PEAK1: variants seen among roughly 807,000 people sequenced by gnomAD.
The protein encoded by PEAK1 is pseudopodium enriched atypical kinase 1, also known as inactive tyrosine-protein kinase PEAK1.
In PEAK1, 54 loss-of-function variants were observed where a neutral mutation model predicts 124.7. The ratio of observed to expected loss-of-function variants is 0.43; its 90% CI spans 0.35 to 0.54. PEAK1 has a LOEUF of 0.54. Among genes scored for constraint, PEAK1 ranks in the 20% least tolerant of loss-of-function variants. The pLI is 0.01. For synonymous variants in PEAK1, 719 were observed against 760.0 expected, an observed-to-expected ratio of 0.95 and a Z score of 0.89; for missense variants, 2,046 against 2,134.5, an observed-to-expected ratio of 0.96 and a Z score of 0.82.
At chr15:77,331,093 T>C (rs936604705) in intron 2 of PEAK1, 69 of 672,608 alleles carry the variant, frequency 1.0e-4, no homozygotes, top group Non-Finnish European at 1.2e-4. Flanking sequence ...ATGTAGTACA[T>C]TGAATCAATT....
At chr15:77,220,268 T>C (rs34896181) in intron 6 of PEAK1, among the ~76,000 whole-genome samples, 11,253 of 152,076 alleles carry the variant, frequency 0.074, 544 homozygotes, top group Non-Finnish European at 0.1. Context: ...AAATGTACTA[T>C]GCATTGAGGT....
rs536825091 is a variant in PEAK1, at chr15:77,289,557, C to T, written c.-602-3053G>A. Reference sequence around the variant, plus strand: ...CAATCCTTAAACTTAAATACACGACCGGGTGCAGTGCCTCACGCCTGTAAT... The same window carrying T: ...CAATCCTTAAACTTAAATACACGACTGGGTGCAGTGCCTCACGCCTGTAAT... On this transcript the variant is annotated intron_variant, in intron 2 of 9. Transcript: ENST00000682557. 1.4e-4 allele frequency among the ~76,000 whole-genome samples: 22 copies of T among 152,218 alleles called. 1 individual carries two copies. Among genetic ancestry groups the T allele is most frequent in the Admixed American group, 1.0e-3 (16 of 15,280 alleles).
At chr15:77,355,230 C>A (rs186300884) in intron 2 of PEAK1, among the ~76,000 whole-genome samples, 1 of 152,026 alleles carries the variant, frequency 6.6e-6, no homozygotes, top group East Asian at 1.9e-4. Flanking sequence ...TGGAGAGATA[C>A]GATTGACAGA....
intron 7 of PEAK1, among the ~76,000 whole-genome samples, chr15:77,164,712 C>G (rs1451412406): frequency 1.3e-5 from 2 of 152,138 alleles, no homozygotes; most frequent in Non-Finnish European, 2.9e-5. Flanking sequence ...AATATGGTTG[C>G]CATTCTCAAT....
At chr15:77,154,940 T>C (rs1470321046) in intron 8 of PEAK1, among the ~76,000 whole-genome samples, 1 of 152,154 alleles carries the variant, frequency 6.6e-6, no homozygotes, top group Non-Finnish European at 1.5e-5. Flanking sequence ...ATTTCAACTT[T>C]GGTGAATCTG....
intron 6 of PEAK1, among the ~76,000 whole-genome samples, chr15:77,205,966 TCCCTCCC>T (rs1188440095): frequency 8.6e-6 from 1 of 116,166 alleles, no homozygotes; most frequent in East Asian, 2.9e-4. Context: ...CCCAATGCTA[TCCCTCCC>T]CCCTCCCCCC....
chr15:77,208,234 T>C (rs2058753234), intron 6 of PEAK1, among the ~76,000 whole-genome samples: 1 of 152,238 alleles, frequency 6.6e-6, no homozygotes. Flanking sequence ...TTTAATAAAA[T>C]GGCGGATTGA....
At chr15:77,407,373 C>T (rs766627664) in intron 1 of PEAK1, among the ~76,000 whole-genome samples, 10 of 151,816 alleles carry the variant, frequency 6.6e-5, no homozygotes, top group South Asian at 4.2e-4. Flanking sequence ...ACTATGCATC[C>T]GACAAAAGAC....
chr15:77,174,436 T>C (rs1039211282), intron 7 of PEAK1, among the ~76,000 whole-genome samples: 3 of 152,218 alleles, frequency 2.0e-5, no homozygotes, highest in Admixed American at 2.0e-4. Flanking sequence ...ACACAAATGT[T>C]GACATTTGAT....
rs769726404 is a variant in PEAK1, at chr15:77,158,521, C to T, written c.3313G>A (p.Ala1105Thr). ...CACTTACCTAAGTTGCTGTATGTTG[C>T]ACTACAAGGGTTCGGGTCCATAGGA... ...SDPMDPNPCSATYSNLGQSRA... is the reference protein window; with the variant it reads ...SDPMDPNPCSTTYSNLGQSRA... Residue 1105 changes from alanine to threonine, a missense_variant, in exon 8 of 10, where the codon GCA becomes ACA. Coordinates refer to ENST00000682557, the MANE Select transcript of PEAK1 (RefSeq NM_001385026.1). 4 of 1,613,940 alleles carry T rather than the reference C, an allele frequency of 2.5e-6. No individual in the cohort carries two copies. Among genetic ancestry groups the T allele is most frequent in the Admixed American group, 3.3e-5 (2 of 60,002 alleles).
At position 77,167,141 on chromosome 15, in the gene PEAK1, G is replaced by A. The variant is rs149696702; in HGVS notation, c.3138-8445C>T. 4.1e-4 allele frequency among the ~76,000 whole-genome samples: 62 copies of A among 152,320 alleles called. 1 individual carries two copies. In the East Asian group the frequency reaches 0.012, roughly 28 times the overall value. On this transcript the variant is annotated intron_variant, in intron 7 of 9. Coordinates refer to ENST00000682557, the MANE Select transcript of PEAK1 (RefSeq NM_001385026.1). ...GTATACAAGCAGCAAGGTGTGAAAA[G>A]TGAATAGAAAAATTTTCTTCAGAAG...
At chr15:77,357,203 G>A (rs954031125) in intron 2 of PEAK1, among the ~76,000 whole-genome samples, 3 of 152,210 alleles carry the variant, frequency 2.0e-5, no homozygotes, top group East Asian at 1.9e-4. Context: ...CGAGGAGTAC[G>A]AAGCTGCAGT....
At chr15:77,128,479 A>AG (rs2052572552) in intron 9 of PEAK1, among the ~76,000 whole-genome samples, 1 of 152,214 alleles carries the variant, frequency 6.6e-6, no homozygotes, top group South Asian at 2.1e-4. Context: ...GAGATCTGGT[A>AG]GGCTAGGATA....
intron 9 of PEAK1, among the ~76,000 whole-genome samples, chr15:77,121,582 G>C (rs1451671085): frequency 1.3e-5 from 2 of 152,122 alleles, no homozygotes; most frequent in Non-Finnish European, 2.9e-5. Context: ...ATTTTGTACT[G>C]CACAAAACTA....
intron 2 of PEAK1, among the ~76,000 whole-genome samples, chr15:77,340,943 T>TA (rs1316367007): frequency 2.0e-5 from 3 of 151,984 alleles, no homozygotes; most frequent in South Asian, 2.1e-4. Flanking sequence ...GTACTATACT[T>TA]ACAATTATAG....
chr15:77,152,885 G>T (rs2054780524), intron 8 of PEAK1, among the ~76,000 whole-genome samples: 1 of 152,246 alleles, frequency 6.6e-6, no homozygotes, highest in Admixed American at 6.5e-5. Context: ...GCTGGATTCG[G>T]TTTGCCAGTA....
rs1026401724 is a variant in PEAK1, at chr15:77,108,816, C to A, written c.*5340G>T. ...TTTAAAAAACAAAACCAAACCAAAC[C>A]AAACCATGGGGGTGAATGGGACACG... On this transcript the variant is annotated 3_prime_UTR_variant, in exon 10 of 10. Coordinates refer to ENST00000682557, the MANE Select transcript of PEAK1 (RefSeq NM_001385026.1). 10 of 152,160 alleles carry A rather than the reference C, an allele frequency of 6.6e-5. No individual in the cohort carries two copies. Among genetic ancestry groups the A allele is most frequent in the Non-Finnish European group, 1.5e-4 (10 of 68,034 alleles). The allele number at this position is 152,160 out of a possible 1,614,324, so 9.4% of individuals were successfully genotyped here. A position where few individuals can be genotyped will look rare whatever the true frequency, so the allele number is the denominator to read the frequency against.
chr15:77,296,412 G>A (rs1463892294), intron 2 of PEAK1, among the ~76,000 whole-genome samples: 1 of 151,794 alleles, frequency 6.6e-6, no homozygotes, highest in East Asian at 1.9e-4. Flanking sequence ...AGGAGTTCGA[G>A]AGCAGCCTGG....
At chr15:77,396,127 A>G (rs1481421496) in intron 1 of PEAK1, among the ~76,000 whole-genome samples, 1 of 152,142 alleles carries the variant, frequency 6.6e-6, no homozygotes, top group African/African-American at 2.4e-5. Context: ...TTATGCGATC[A>G]GTGTTATCAC....
Sources: gnomAD v4.1 joint callset for allele counts (sites outside exome capture counted in the v4.1 genomes callset) on GRCh38, gnomAD v4.1.1 for gene constraint, MANE v1.5 for transcripts, NCBI Gene and HGNC (gene_info 2026-07-23, HGNC 2026-07-21) for gene names.